The following AGO1 variants were observed in gnomAD, a reference collection of about 807,000 sequenced individuals.
AGO1 encodes argonaute RISC component 1.
A neutral mutation model predicts 109.2 loss-of-function variants in AGO1; 11 were observed. The ratio of observed to expected loss-of-function variants is 0.10; its 90% confidence interval spans 0.06 to 0.17. The LOEUF (loss-of-function observed/expected upper bound fraction) is 0.17. Ranked by LOEUF, AGO1 falls within the 10% of genes least tolerant of loss-of-function variation. The pLI is 1.00. For missense variants in AGO1, 574 were observed against 1,140.3 expected, an observed-to-expected ratio of 0.50 and a Z score of 7.15; for synonymous variants, 422 against 418.6, an observed-to-expected ratio of 1.01 and a Z score of -0.10.
chr1:35,911,495 T>C (rs1466611163), intron 12 of AGO1, among the ~76,000 whole-genome samples: 1 of 144,982 alleles, frequency 6.9e-6, no homozygotes, highest in Non-Finnish European at 1.5e-5. Flanking sequence ...ACCTCTGAGA[T>C]TTTTTTTTTT....
intron 11 of AGO1, 67 bp downstream of exon 11, chr1:35,902,404 T>G (rs1446138239): frequency 1.3e-6 from 2 of 1,576,756 alleles, no homozygotes; most frequent in African/African-American, 2.7e-5. Flanking sequence ...CTTCCTGTAG[T>G]CCACAGGGGC....
intron 11 of AGO1, among the ~76,000 whole-genome samples, chr1:35,902,882 C>T (rs1176123522): frequency 1.3e-5 from 2 of 152,044 alleles, no homozygotes; most frequent in Non-Finnish European, 2.9e-5. Flanking sequence ...GTTGTCAGGG[C>T]CTCTGTGCCA....
rs1400541160 is a variant in AGO1, at chr1:35,883,797, G to C, written c.25+351G>C. 1.3e-5 allele frequency among the ~76,000 whole-genome samples: 2 copies of C among 152,198 alleles called. No homozygotes were observed. The highest frequency in any genetic ancestry group is 4.8e-5 in the African/African-American group (2 of 41,452). On this transcript the variant is annotated intron_variant, in intron 1 of 18. Coordinates refer to ENST00000373204, the MANE Select transcript of AGO1 (RefSeq NM_012199.5). The surrounding 1 kb of genome is among the most constrained non-coding windows in gnomAD (Gnocchi z 5.4). Reference sequence around the variant, plus strand: ...CCAGGTGTCCAGGAGAGGAGGGGGCGACACAGATGGGCCTGGAGCTACCGC... The same window carrying C: ...CCAGGTGTCCAGGAGAGGAGGGGGCCACACAGATGGGCCTGGAGCTACCGC...
chr1:35,897,610 T>A (rs1035550453), intron 8 of AGO1, among the ~76,000 whole-genome samples: 11 of 152,102 alleles, frequency 7.2e-5, no homozygotes, highest in Admixed American at 5.2e-4. Flanking sequence ...ATTGCTTGAC[T>A]GCAGGTGTGG....
At position 35,901,703 on chromosome 1, in the gene AGO1, T is replaced by C; in HGVS notation, c.1140+110T>C. Reference sequence around the variant, plus strand: ...AGAACCCAAGTCTAGATTTGTTGCCTAGGACTGTATAAGGCTGCTTTTGCT... The same window carrying C: ...AGAACCCAAGTCTAGATTTGTTGCCCAGGACTGTATAAGGCTGCTTTTGCT... On this transcript the variant is annotated intron_variant, in intron 9 of 18. Coordinates refer to ENST00000373204, the MANE Select transcript of AGO1 (RefSeq NM_012199.5). The surrounding 1 kb of genome is among the most constrained non-coding windows in gnomAD (Gnocchi z 4.8). 6.5e-7 allele frequency: 1 copy of C among 1,542,368 alleles called. No individual in the cohort carries two copies. Among genetic ancestry groups the C allele is most frequent in the Non-Finnish European group, 8.8e-7 (1 of 1,133,710 alleles).
At chr1:35,915,614 G>T in intron 15 of AGO1, 72 bp downstream of exon 15, 1 of 1,419,604 alleles carries the variant, frequency 7.0e-7, no homozygotes. Flanking sequence ...CCTTTTCTAA[G>T]CTATTGGCAC....
At chr1:35,877,044 T>G (rs937216684) in intron 1 of AGO1, among the ~76,000 whole-genome samples, 1 of 152,196 alleles carries the variant, frequency 6.6e-6, no homozygotes, top group Non-Finnish European at 1.5e-5. Context: ...TTTCCTGTTC[T>G]GCCAGGCCAA....
intron 1 of AGO1, among the ~76,000 whole-genome samples, chr1:35,884,215 T>C (rs1645082549): frequency 6.6e-6 from 1 of 151,866 alleles, no homozygotes. Flanking sequence ...GCTCTTACAC[T>C]TGGCCCTCAG....
Position 35,906,784 on chromosome 1 carries a change from G to A in AGO1, c.1398-151G>A, listed in dbSNP as rs546579477. On this transcript the variant is annotated intron_variant, in intron 11 of 18. Coordinates refer to ENST00000373204, the MANE Select transcript of AGO1 (RefSeq NM_012199.5). ...GATTGTGCCATTGTACTCCATCCTG[G>A]TTGACAGAGCACCCTGTCTCAAGGA... The A allele has an allele frequency of 1.8e-4, 110 of 617,856 alleles. No individual in the cohort carries two copies. The African/African-American group carries it at 1.9e-3, about 11-fold the overall frequency. The allele number at this position is 617,856 out of a possible 1,614,324, so 38.3% of individuals were successfully genotyped here. A position where few individuals can be genotyped will look rare whatever the true frequency, so the allele number is the denominator to read the frequency against.
rs888312909 is a variant in AGO1 at position 35,918,986 on chromosome 1, A to T, written c.2266-69A>T. 10 of 1,376,896 alleles carry T rather than the reference A, an allele frequency of 7.3e-6. No individual in the cohort carries two copies. In the African/African-American group the frequency reaches 1.3e-4, roughly 18 times the overall value. The allele number at this position is 1,376,896 out of a possible 1,614,324, so 85.3% of individuals were successfully genotyped here. A position where few individuals can be genotyped will look rare whatever the true frequency, so the allele number is the denominator to read the frequency against. Reference sequence around the variant, plus strand: ...CTACCCAGCCATATTCTTAACAGTGATCCTGTTCCCCTATTATCAGCCATC... The same window carrying T: ...CTACCCAGCCATATTCTTAACAGTGTTCCTGTTCCCCTATTATCAGCCATC... On this transcript the variant is annotated intron_variant, in intron 17 of 18. Coordinates refer to ENST00000373204, the MANE Select transcript of AGO1 (RefSeq NM_012199.5).
At chr1:35,881,277 G>C (rs897841865), upstream of AGO1, among the ~76,000 whole-genome samples, 1 of 152,074 alleles carries the variant, frequency 6.6e-6, no homozygotes. Flanking sequence ...CTACTGAATC[G>C]AAAACTCTAG....
chr1:35,919,719 T>TAGGATGCCTTGTTTCCTA lies in AGO1; in HGVS notation c.*129_*130insAAGGATGCCTTGTTTCCT, dbSNP rs1645797586. On this transcript the variant is annotated 3_prime_UTR_variant, in exon 19 of 19. Transcript: ENST00000373204. This position sits in a 1 kb window ranked among gnomAD's most constrained non-coding sequence, Gnocchi z 6.6. ...GAGGGAGGTGGGGTAGGGAGGAGTG[T>TAGGATGCCTTGTTTCCTA]AGGATGCCTTGTTTCCTTCTATAGA... The TAGGATGCCTTGTTTCCTA allele has an allele frequency of 7.3e-6, 7 of 957,724 alleles. No individual in the cohort carries two copies. The highest frequency in any genetic ancestry group is 9.3e-6 in the Non-Finnish European group (6 of 646,236). The allele number at this position is 957,724 out of a possible 1,614,324, so 59.3% of individuals were successfully genotyped here. A position where few individuals can be genotyped will look rare whatever the true frequency, so the allele number is the denominator to read the frequency against.
chr1:35,918,411 C>T lies in AGO1; in HGVS notation c.2253C>T (p.His751=), dbSNP rs765103292. The change falls in exon 17 of 19, where the codon CAC becomes CAT. Residue 751 remains histidine, a synonymous_variant. Transcript: ENST00000373204. ...PFEFDFYLCS[H]AGIQGTSRPS... ...AGTTTGACTTCTATCTGTGCAGCCA[C>T]GCAGGCATCCAGGTAGCTGGGCTTT... 1.7e-5 allele frequency: 28 copies of T among 1,613,876 alleles called. 1 individual carries two copies. The highest frequency in any genetic ancestry group is 7.7e-5 in the South Asian group (7 of 91,088).
intron 17 of AGO1, among the ~76,000 whole-genome samples, chr1:35,918,748 G>T (rs1175396469): frequency 6.6e-6 from 1 of 152,068 alleles, no homozygotes; most frequent in Non-Finnish European, 1.5e-5. Flanking sequence ...TAGAGACAGG[G>T]TTTCACCATT....
chr1:35,926,944 GTTTT>G lies in AGO1; in HGVS notation c.*7353_*7356del, dbSNP rs56299314. On this transcript the variant is annotated 3_prime_UTR_variant, in exon 19 of 19. Transcript: ENST00000373204. ...TCTTGGCAATGGTTTTTTGTTTGGG[GTTTT>G]TTTTTTTTTTTTTTTGGACAAAGTA... 4 of 125,294 alleles carry G rather than the reference GTTTT, an allele frequency of 3.2e-5. No homozygotes were observed. The highest frequency in any genetic ancestry group is 5.1e-5 in the Non-Finnish European group (3 of 59,336). The allele number at this position is 125,294 out of a possible 1,614,324, so 7.8% of individuals were successfully genotyped here. A position where few individuals can be genotyped will look rare whatever the true frequency, so the allele number is the denominator to read the frequency against.
intron 1 of AGO1, among the ~76,000 whole-genome samples, chr1:35,885,112 T>TA (rs1645099369): frequency 6.6e-6 from 1 of 152,006 alleles, no homozygotes; most frequent in African/African-American, 2.4e-5. Flanking sequence ...ATAGACTGTG[T>TA]AGTCGTAAGG....
intron 11 of AGO1, among the ~76,000 whole-genome samples, chr1:35,905,488 T>C (rs1645502576): frequency 6.6e-6 from 1 of 152,184 alleles, no homozygotes. Context: ...TCCCTTCTTT[T>C]TTTGACAGCC....
chr1:35,883,495 A>G lies in AGO1; in HGVS notation c.25+49A>G. The G allele has an allele frequency of 6.6e-7, 1 of 1,505,182 alleles. No individual in the cohort carries two copies. The highest frequency in any genetic ancestry group is 8.8e-7 in the Non-Finnish European group (1 of 1,131,776). 93.2% of individuals were successfully genotyped at this position (1,505,182 alleles called of 1,614,324 possible). Reference sequence around the variant, plus strand: ...CGGTGCATGCTCCAAGGACTGGGGGATCCCGCATGAAAAGCGTGGTTTCCA... The same window carrying G: ...CGGTGCATGCTCCAAGGACTGGGGGGTCCCGCATGAAAAGCGTGGTTTCCA... On this transcript the variant is annotated intron_variant, in intron 1 of 18. Coordinates refer to ENST00000373204, the MANE Select transcript of AGO1 (RefSeq NM_012199.5). The surrounding 1 kb of genome is among the most constrained non-coding windows in gnomAD (Gnocchi z 5.4).
intron 1 of AGO1, among the ~76,000 whole-genome samples, chr1:35,871,931 G>A (rs1017641418): frequency 6.6e-5 from 10 of 151,500 alleles, no homozygotes; most frequent in South Asian, 2.1e-4. Flanking sequence ...TTAGCCGGGT[G>A]TGGTGGCGGG....
Sources: allele counts gnomAD v4.1 joint callset (sites outside exome capture counted in the v4.1 genomes callset), GRCh38; gene constraint gnomAD v4.1.1; non-coding constraint Gnocchi (gnomAD v3.1); transcripts MANE v1.5; gene names NCBI Gene and HGNC (gene_info 2026-07-23, HGNC 2026-07-21).